Variants in IL5RA observed in about 807,000 individuals in gnomAD.
IL5RA encodes interleukin-5 receptor subunit alpha.
Under a neutral mutation model 50.0 loss-of-function variants are expected in IL5RA, and 49 were observed. That is an observed-to-expected ratio of 0.98 (90% CI 0.78 to 1.24). The LOEUF is 1.24. Among genes scored for constraint, IL5RA ranks in the 50% most tolerant of loss-of-function variants. IL5RA has a pLI of 0.00. For missense variants in IL5RA, 600 were observed against 500.4 expected (o/e 1.20, Z -1.90); for synonymous variants, 202 against 174.0 (o/e 1.16, Z -1.26).
intron 3 of IL5RA, among the ~76,000 whole-genome samples, chr3:3,103,772 CA>C (rs1703769786): frequency 7.0e-6 from 1 of 142,838 alleles, no homozygotes; most frequent in African/African-American, 2.6e-5. Flanking sequence ...ATGGAATTAA[CA>C]TATGATATAT....
At chr3:3,075,876 A>G (rs1447817895) in intron 10 of IL5RA, among the ~76,000 whole-genome samples, 2 of 152,220 alleles carry the variant, frequency 1.3e-5, no homozygotes, top group Non-Finnish European at 2.9e-5. Context: ...CTGGGATTAC[A>G]GGAGTGAGCC....
intron 7 of IL5RA, among the ~76,000 whole-genome samples, chr3:3,096,412 T>C (rs1237619191): frequency 1.3e-5 from 2 of 152,194 alleles, no homozygotes; most frequent in African/African-American, 2.4e-5. Flanking sequence ...GGGAAATGAA[T>C]TCTTAATGAG....
chr3:3,086,001 TG>T (rs1431476245), intron 9 of IL5RA, among the ~76,000 whole-genome samples: 2 of 152,190 alleles, frequency 1.3e-5, no homozygotes, highest in Non-Finnish European at 2.9e-5. Flanking sequence ...TCTACTCCCC[TG>T]GGTGTAGGTG....
In IL5RA at chr3:3,098,134, A is replaced by T. The variant is rs762744619; in HGVS notation, c.521+3T>A. On this transcript the variant is annotated splice_donor_region_variant and intron_variant, in intron 6 of 11. Transcript: ENST00000446632. ...CCTAAGTAAAAATAGGTACAGTACT[A>T]ACCTATAGTAGAGAAAATACTGCGT... The T allele has an allele frequency of 9.3e-6, 15 of 1,613,940 alleles. No homozygotes were observed. Among genetic ancestry groups the T allele is most frequent in the Non-Finnish European group, 1.3e-5 (15 of 1,179,918 alleles).
intron 9 of IL5RA, among the ~76,000 whole-genome samples, chr3:3,084,164 A>G (rs2125962604): frequency 6.6e-6 from 1 of 152,322 alleles, no homozygotes; most frequent in African/African-American, 2.4e-5. Flanking sequence ...AAACAGGGAT[A>G]AGGATCGAAT....
At chr3:3,081,213 A>G (rs1305455694) in intron 9 of IL5RA, among the ~76,000 whole-genome samples, 1 of 152,084 alleles carries the variant, frequency 6.6e-6, no homozygotes, top group Non-Finnish European at 1.5e-5. Context: ...CTTCATTTTT[A>G]TTGCATTCTT....
intron 11 of IL5RA, chr3:3,073,725 A>T (rs897766024): frequency 2.3e-6 from 1 of 433,094 alleles, no homozygotes; most frequent in African/African-American, 2.1e-5. Context: ...CTTTTCCCCA[A>T]ATTAACTGAC....
chr3:3,089,789 AT>A (rs990615819), intron 9 of IL5RA, among the ~76,000 whole-genome samples: 3 of 151,988 alleles, frequency 2.0e-5, no homozygotes, highest in Admixed American at 2.0e-4. Flanking sequence ...CGCCCAGCTA[AT>A]TTTTTGTATT....
intron 2 of IL5RA, among the ~76,000 whole-genome samples, chr3:3,107,772 T>C (rs1397436699): frequency 6.6e-6 from 1 of 152,196 alleles, no homozygotes; most frequent in South Asian, 2.1e-4. Flanking sequence ...AGGTGTTACA[T>C]TTTTTGAAAT....
At chr3:3,106,790 C>G (rs1028086875) in intron 2 of IL5RA, among the ~76,000 whole-genome samples, 8 of 152,106 alleles carry the variant, frequency 5.3e-5, no homozygotes, top group African/African-American at 1.9e-4. Context: ...TAAATATGCT[C>G]TGATTTTGCA....
intron 7 of IL5RA, among the ~76,000 whole-genome samples, chr3:3,097,407 A>G (rs191382823): frequency 6.6e-6 from 1 of 152,224 alleles, no homozygotes; most frequent in Non-Finnish European, 1.5e-5. Flanking sequence ...GGGTGGCACT[A>G]GTCCATCACA....
intron 5 of IL5RA, among the ~76,000 whole-genome samples, chr3:3,098,624 T>G (rs1575003752): frequency 6.6e-6 from 1 of 152,130 alleles, no homozygotes; most frequent in Non-Finnish European, 1.5e-5. Context: ...GCCAGGCTGG[T>G]CTTGAACTCC....
chr3:3,101,677 G>A lies in IL5RA; in HGVS notation c.367+15C>T, dbSNP rs766839017. 6.2e-7 allele frequency: 1 copy of A among 1,606,274 alleles called. No individual in the cohort carries two copies. Reference sequence around the variant, plus strand: ...TCCAAAACATACAAACTGGACTTTTGGAGGCCTGCTTTACCTGGTGGGGCA... The same window carrying A: ...TCCAAAACATACAAACTGGACTTTTAGAGGCCTGCTTTACCTGGTGGGGCA... On this transcript the variant is annotated intron_variant, in intron 5 of 11. Coordinates refer to ENST00000446632, the MANE Select transcript of IL5RA (RefSeq NM_175726.4).
chr3:3,084,090 G>C (rs1478065494), intron 9 of IL5RA, among the ~76,000 whole-genome samples: 2 of 150,202 alleles, frequency 1.3e-5, no homozygotes, highest in Admixed American at 6.6e-5. Flanking sequence ...TCCTGGTTCT[G>C]CCACTTGCTA....
chr3:3,101,266 T>C (rs1053457622), intron 5 of IL5RA, among the ~76,000 whole-genome samples: 1 of 152,106 alleles, frequency 6.6e-6, no homozygotes, highest in African/African-American at 2.4e-5. Flanking sequence ...TCTTTTCAGC[T>C]GGTGATATGA....
chr3:3,103,854 G>A (rs1559880038), intron 3 of IL5RA, among the ~76,000 whole-genome samples: 2 of 152,108 alleles, frequency 1.3e-5, no homozygotes, highest in East Asian at 1.9e-4. Flanking sequence ...GGACGGTATT[G>A]TACACACAAC....
intron 9 of IL5RA, among the ~76,000 whole-genome samples, chr3:3,087,951 G>T (rs1192169769): frequency 1.3e-5 from 2 of 152,144 alleles, no homozygotes; most frequent in Non-Finnish European, 2.9e-5. Context: ...CCTAAACTGA[G>T]CAGAGGAGTA....
chr3:3,073,860 C>A, intron 11 of IL5RA: 1 of 434,396 alleles, frequency 2.3e-6, no homozygotes. Flanking sequence ...TAAAAAATCA[C>A]TTTTGGAGGC....
chr3:3,098,163 C>T lies in IL5RA; in HGVS notation c.495G>A (p.Glu165=). 1 of 1,614,124 alleles carries T rather than the reference C, an allele frequency of 6.2e-7. No individual in the cohort carries two copies. The highest frequency in any genetic ancestry group is 8.5e-7 in the Non-Finnish European group (1 of 1,180,026). ...TATAGTAGAGAAAATACTGCGTGTC[C>T]TCAGGGGCATCTGTGCCAACAAGCC... ...CTWLVGTDAP[E]DTQYFLYYRY... Residue 165 remains glutamate, a synonymous_variant, in exon 6 of 12, where the codon GAG becomes GAA. Coordinates refer to ENST00000446632, the MANE Select transcript of IL5RA (RefSeq NM_175726.4).
Sources: gnomAD v4.1 joint callset for allele counts (sites outside exome capture counted in the v4.1 genomes callset) on GRCh38, gnomAD v4.1.1 for gene constraint, MANE v1.5 for transcripts, NCBI Gene and HGNC (gene_info 2026-07-23, HGNC 2026-07-21) for gene names.